DLEU7: variants seen among roughly 807,000 people sequenced by gnomAD.
DLEU7 encodes the protein deleted in lymphocytic leukemia 7, also known as leukemia-associated protein 7.
In DLEU7, 17 loss-of-function variants were observed where a neutral mutation model predicts 16.0. That is an observed-to-expected ratio of 1.06 (90% CI 0.73 to 1.59). The LOEUF is 1.59. Ranked by LOEUF, DLEU7 falls within the 40% of genes most tolerant of loss-of-function variation. DLEU7 has a pLI of 0.00. For synonymous variants in DLEU7, 113 were observed against 139.8 expected, an observed-to-expected ratio of 0.81 and a Z score of 1.35; for missense variants, 308 against 314.9, an observed-to-expected ratio of 0.98 and a Z score of 0.17.
intron 1 of DLEU7, among the ~76,000 whole-genome samples, chr13:50,730,905 C>T (rs905769910): frequency 5.9e-5 from 9 of 152,056 alleles, no homozygotes; most frequent in African/African-American, 2.2e-4. Context: ...TCACTGACTT[C>T]CTAGAACTTA....
At chr13:50,791,466 G>T (rs868174446) in intron 1 of DLEU7, among the ~76,000 whole-genome samples, 31 of 152,264 alleles carry the variant, frequency 2.0e-4, no homozygotes, top group African/African-American at 5.8e-4. Context: ...GTCGGAACAG[G>T]GTAGACTGGA....
chr13:50,842,251 G>A (rs1877689895), intron 1 of DLEU7, among the ~76,000 whole-genome samples: 1 of 152,030 alleles, frequency 6.6e-6, no homozygotes, highest in African/African-American at 2.4e-5. Context: ...TCCAAACCTT[G>A]GCTTGTACAG....
Position 50,842,684 on chromosome 13 carries a change from G to T in DLEU7, c.459+504C>A, listed in dbSNP as rs569633528. 8.6e-4 allele frequency among the ~76,000 whole-genome samples: 131 copies of T among 152,314 alleles called. No homozygotes were observed. In the Middle Eastern group the frequency reaches 0.014, roughly 16 times the overall value. The stretch of plus-strand genomic sequence containing the variant: ...CTCTGTAAGACCCCTTAGCTCTGTG[G>T]GGAATTGGATTTATGCAAAAAATAA... On this transcript the variant is annotated intron_variant, in intron 1 of 1. Transcript: ENST00000504404.
At chr13:50,801,835 A>G (rs9591364) in intron 1 of DLEU7, among the ~76,000 whole-genome samples, 19,172 of 152,072 alleles carry the variant, frequency 0.13, 1,767 homozygotes, top group African/African-American at 0.25. Flanking sequence ...ATTAATGACT[A>G]TTCAATTGCC....
chr13:50,822,767 A>G, downstream of DLEU7: 7 of 985,734 alleles, frequency 7.1e-6, no homozygotes, highest in Non-Finnish European at 8.4e-6. Flanking sequence ...TCTCTGCTCA[A>G]CAGTAAGTTA....
chr13:50,729,181 C>G (rs1345929075), intron 1 of DLEU7, among the ~76,000 whole-genome samples: 1 of 152,140 alleles, frequency 6.6e-6, no homozygotes, highest in East Asian at 1.9e-4. Context: ...ACCCTCCTCC[C>G]ACCCTCCACC....
At chr13:50,745,683 G>A (rs755597426) in intron 1 of DLEU7, among the ~76,000 whole-genome samples, 1 of 152,118 alleles carries the variant, frequency 6.6e-6, no homozygotes, top group Non-Finnish European at 1.5e-5. Context: ...GTCATGACAA[G>A]CTGAAATGAA....
chr13:50,782,020 G>T (rs1223730654), intron 1 of DLEU7, among the ~76,000 whole-genome samples: 1 of 152,082 alleles, frequency 6.6e-6, no homozygotes, highest in East Asian at 1.9e-4. Flanking sequence ...CATAGTGGCT[G>T]CCCTCTAGAA....
At chr13:50,764,089 A>C (rs1875028274) in intron 1 of DLEU7, among the ~76,000 whole-genome samples, 1 of 152,206 alleles carries the variant, frequency 6.6e-6, no homozygotes, top group Admixed American at 6.5e-5. Flanking sequence ...GGACTTGGCC[A>C]GACCTGGGTT....
intron 1 of DLEU7, among the ~76,000 whole-genome samples, chr13:50,751,714 A>G (rs370018078): frequency 2.6e-5 from 4 of 152,170 alleles, no homozygotes; most frequent in Non-Finnish European, 4.4e-5. Context: ...GCTAGTTTAT[A>G]TGCATAAAGG....
chr13:50,753,664 C>T (rs1874660216), intron 1 of DLEU7, among the ~76,000 whole-genome samples: 2 of 152,206 alleles, frequency 1.3e-5, no homozygotes, highest in Admixed American at 1.3e-4. Flanking sequence ...CCGTGCGCAG[C>T]CCCAGTTCCC....
chr13:50,740,030 T>C (rs1362358818), intron 1 of DLEU7, among the ~76,000 whole-genome samples: 2 of 152,178 alleles, frequency 1.3e-5, no homozygotes, highest in East Asian at 3.8e-4. Flanking sequence ...CACTAGTTCA[T>C]TGATTTCTGC....
chr13:50,753,682 C>T (rs1455929806), intron 1 of DLEU7, among the ~76,000 whole-genome samples: 2 of 152,202 alleles, frequency 1.3e-5, no homozygotes, highest in Non-Finnish European at 2.9e-5. Flanking sequence ...CCCACTCAGG[C>T]TTCTCCCTCC....
At chr13:50,744,330 CT>C (rs1428433943) in intron 1 of DLEU7, among the ~76,000 whole-genome samples, 1 of 152,176 alleles carries the variant, frequency 6.6e-6, no homozygotes, top group East Asian at 1.9e-4. Flanking sequence ...TCTATGTTAT[CT>C]AAGTTTTCTT....
At chr13:50,722,643 T>G (rs1873654788) in intron 1 of DLEU7, among the ~76,000 whole-genome samples, 2 of 152,222 alleles carry the variant, frequency 1.3e-5, no homozygotes, top group South Asian at 4.1e-4. Flanking sequence ...CTCAGCAAAA[T>G]GCTTGGCTAC....
chr13:50,739,438 C>T (rs549463037), intron 1 of DLEU7, among the ~76,000 whole-genome samples: 18 of 152,246 alleles, frequency 1.2e-4, no homozygotes, highest in African/African-American at 4.3e-4. Flanking sequence ...AAGGGCAGGC[C>T]TTTAACACTC....
At chr13:50,727,046 G>A (rs990804539) in intron 1 of DLEU7, among the ~76,000 whole-genome samples, 3 of 152,158 alleles carry the variant, frequency 2.0e-5, no homozygotes, top group African/African-American at 7.2e-5. Context: ...CCAGCAATGT[G>A]AGACAAAACT....
chr13:50,779,148 G>A (rs1220406906), intron 1 of DLEU7, among the ~76,000 whole-genome samples: 6 of 152,172 alleles, frequency 3.9e-5, no homozygotes, highest in African/African-American at 7.2e-5. Context: ...TACAGCCAGC[G>A]TGACAGATAT....
At chr13:50,828,099 C>T (rs978459815) in intron 1 of DLEU7, among the ~76,000 whole-genome samples, 1 of 152,150 alleles carries the variant, frequency 6.6e-6, no homozygotes, top group African/African-American at 2.4e-5. Context: ...TCATAACATA[C>T]ATTCAGTCTA....
Sources: allele counts gnomAD v4.1 joint callset (sites outside exome capture counted in the v4.1 genomes callset), GRCh38; gene constraint gnomAD v4.1.1; transcripts MANE v1.5; gene names NCBI Gene and HGNC (gene_info 2026-07-23, HGNC 2026-07-21).